Variants in LRMDA observed in about 807,000 individuals in gnomAD.
LRMDA encodes the protein leucine rich melanocyte differentiation associated, also known as leucine-rich melanocyte differentiation-associated protein.
A neutral mutation model predicts 29.8 loss-of-function variants in LRMDA; 18 were observed. The observed-to-expected ratio is 0.60, with a 90% CI of 0.42 to 0.90. The LOEUF (loss-of-function observed/expected upper bound fraction) is 0.90. LRMDA is among the 40% of genes least tolerant of loss of function. LRMDA has a pLI of 0.00. For missense variants in LRMDA, 273 were observed against 273.9 expected, an observed-to-expected ratio of 1.00 and a Z score of 0.02; for synonymous variants, 125 against 109.4, an observed-to-expected ratio of 1.14 and a Z score of -0.89.
chr10:75,704,334 T>TC (rs571038945), intron 2 of LRMDA, among the ~76,000 whole-genome samples: 8 of 152,334 alleles, frequency 5.3e-5, no homozygotes, highest in African/African-American at 1.9e-4. Context: ...TTTTTAAAAG[T>TC]CCTTTATGTA....
At chr10:76,532,139 C>CG (rs1398734320) in intron 6 of LRMDA, among the ~76,000 whole-genome samples, 1 of 152,130 alleles carries the variant, frequency 6.6e-6, no homozygotes, top group African/African-American at 2.4e-5. Flanking sequence ...AACCCGTCAC[C>CG]TACATTAGGT....
intron 2 of LRMDA, among the ~76,000 whole-genome samples, chr10:76,003,793 T>G (rs982843136): frequency 2.0e-5 from 3 of 152,198 alleles, no homozygotes; most frequent in African/African-American, 7.2e-5. Context: ...GCCTGGAATA[T>G]CATTTCTTCC....
At chr10:76,021,932 A>C (rs1483320830) in intron 2 of LRMDA, among the ~76,000 whole-genome samples, 2 of 152,330 alleles carry the variant, frequency 1.3e-5, no homozygotes. Context: ...TTTCCTATGC[A>C]GAAAGGAAAA....
intron 2 of LRMDA, among the ~76,000 whole-genome samples, chr10:76,028,818 C>CTTT (rs1237211316): frequency 6.9e-5 from 9 of 131,062 alleles, no homozygotes; most frequent in East Asian, 2.3e-4. Context: ...TATTCAAAGC[C>CTTT]TTTTTTTTTT....
At position 75,628,067 on chromosome 10, in the gene LRMDA, G is replaced by C. The variant is rs573107568; in HGVS notation, c.131+189573G>C. 3.9e-5 allele frequency among the ~76,000 whole-genome samples: 6 copies of C among 152,146 alleles called. No homozygotes were observed. In the South Asian group the frequency reaches 1.2e-3, roughly 32 times the overall value. On this transcript the variant is annotated intron_variant, in intron 2 of 6. Coordinates refer to ENST00000611255, the MANE Select transcript of LRMDA (RefSeq NM_001305581.2). ...GGAAGAAGAGCCATTGTTGAAATTT[G>C]GAAAATATATCTGAGTACAAAGAAG...
intron 5 of LRMDA, among the ~76,000 whole-genome samples, chr10:76,195,007 C>G (rs1157003092): frequency 1.3e-5 from 2 of 152,152 alleles, no homozygotes; most frequent in Non-Finnish European, 2.9e-5. Context: ...CTGGGATGCT[C>G]TTTGGTCAAA....
At chr10:76,037,631 G>A (rs1446175094) in intron 3 of LRMDA, among the ~76,000 whole-genome samples, 1 of 152,146 alleles carries the variant, frequency 6.6e-6, no homozygotes, top group Non-Finnish European at 1.5e-5. Flanking sequence ...ATGCCAGCAG[G>A]GTTGGTTTCT....
chr10:75,493,593 G>C (rs770731063), intron 2 of LRMDA, among the ~76,000 whole-genome samples: 4 of 152,064 alleles, frequency 2.6e-5, no homozygotes, highest in African/African-American at 4.8e-5. Flanking sequence ...TCATTCTCTT[G>C]GTTGAGATGG....
At chr10:76,269,291 A>G (rs1053249691) in intron 5 of LRMDA, among the ~76,000 whole-genome samples, 2 of 152,080 alleles carry the variant, frequency 1.3e-5, no homozygotes, top group African/African-American at 4.8e-5. Flanking sequence ...TAAATTTTAC[A>G]TGCTCCAATT....
At chr10:75,556,749 A>ATTTTTTTTTTTTT (rs143334606) in intron 2 of LRMDA, among the ~76,000 whole-genome samples, 1 of 142,768 alleles carries the variant, frequency 7.0e-6, no homozygotes, top group Non-Finnish European at 1.5e-5. Context: ...TGGTTGCATG[A>ATTTTTTTTTTTTT]TTGTTTTTTT....
At chr10:75,841,168 G>T (rs2132300979) in intron 2 of LRMDA, among the ~76,000 whole-genome samples, 1 of 152,182 alleles carries the variant, frequency 6.6e-6, no homozygotes, top group East Asian at 1.9e-4. Context: ...AAGGCAACAT[G>T]CTTGGTTCCC....
At chr10:75,630,450 T>A (rs1200345958) in intron 2 of LRMDA, among the ~76,000 whole-genome samples, 2 of 152,206 alleles carry the variant, frequency 1.3e-5, no homozygotes, top group Non-Finnish European at 2.9e-5. Flanking sequence ...TATAAATGTC[T>A]GTCTTGCAGT....
chr10:76,385,509 C>T (rs141746266), intron 6 of LRMDA, among the ~76,000 whole-genome samples: 107 of 152,242 alleles, frequency 7.0e-4, no homozygotes, highest in African/African-American at 2.5e-3. Context: ...TCTCTGAACT[C>T]AATTATTCTG....
At chr10:76,460,237 A>C (rs1361836772) in intron 6 of LRMDA, among the ~76,000 whole-genome samples, 2 of 152,228 alleles carry the variant, frequency 1.3e-5, no homozygotes, top group African/African-American at 4.8e-5. Flanking sequence ...ACCCTCTATC[A>C]GTGCTTTGAG....
intron 2 of LRMDA, among the ~76,000 whole-genome samples, chr10:75,669,703 C>T (rs1242311699): frequency 1.3e-5 from 2 of 152,152 alleles, no homozygotes; most frequent in Non-Finnish European, 2.9e-5. Flanking sequence ...TGGCTTTAAC[C>T]TTCAAAGACT....
At chr10:76,016,980 ATCT>A (rs1326433277) in intron 2 of LRMDA, among the ~76,000 whole-genome samples, 1 of 151,828 alleles carries the variant, frequency 6.6e-6, no homozygotes, top group Non-Finnish European at 1.5e-5. Flanking sequence ...CTGAATTGTG[ATCT>A]TCTTCCAAAT....
intron 2 of LRMDA, among the ~76,000 whole-genome samples, chr10:75,947,375 A>G (rs891536372): frequency 6.6e-6 from 1 of 152,104 alleles, no homozygotes; most frequent in Non-Finnish European, 1.5e-5. Context: ...TAGCTTTCCA[A>G]GCTTGTCTGT....
chr10:75,550,320 G>T (rs1418969042), intron 2 of LRMDA, among the ~76,000 whole-genome samples: 1 of 152,008 alleles, frequency 6.6e-6, no homozygotes, highest in African/African-American at 2.4e-5. Flanking sequence ...CCTGGTTTTT[G>T]TCTACTTCTT....
intron 2 of LRMDA, among the ~76,000 whole-genome samples, chr10:75,838,261 A>G (rs1844477273): frequency 6.6e-6 from 1 of 152,228 alleles, no homozygotes; most frequent in South Asian, 2.1e-4. Context: ...TGCTGAGTCA[A>G]ATGCAATACA....
Sources: allele counts gnomAD v4.1 joint callset (sites outside exome capture counted in the v4.1 genomes callset), GRCh38; gene constraint gnomAD v4.1.1; transcripts MANE v1.5; gene names NCBI Gene and HGNC (gene_info 2026-07-23, HGNC 2026-07-21).